C4orf36: variants seen among roughly 807,000 people sequenced by gnomAD.
C4orf36 encodes chromosome 4 open reading frame 36.
In C4orf36, 11 loss-of-function variants were observed where a neutral mutation model predicts 12.2. That is an observed-to-expected ratio of 0.90 (90% CI 0.57 to 1.49). The LOEUF is 1.49. Ranked by LOEUF, C4orf36 falls within the 40% of genes most tolerant of loss-of-function variation. C4orf36 has a pLI of 0.00. For missense variants in C4orf36, 137 were observed against 133.9 expected, an observed-to-expected ratio of 1.02 and a Z score of -0.11; for synonymous variants, 54 against 51.3, an observed-to-expected ratio of 1.05 and a Z score of -0.22.
chr4:86,884,535 G>A (rs1747125895), intron 4 of C4orf36, among the ~76,000 whole-genome samples: 1 of 151,812 alleles, frequency 6.6e-6, no homozygotes, highest in African/African-American at 2.4e-5. Context: ...AAACTCCTGG[G>A]CCCAAGCGAG....
chr4:86,902,439 A>AAG, the C4orf36 span, among the ~76,000 whole-genome samples: 1 of 140,972 alleles, frequency 7.1e-6, no homozygotes, highest in African/African-American at 2.7e-5. Context: ...AAAAAAAAAA[A>AAG]AAAGAAAGAA....
At chr4:86,930,100 T>G in the C4orf36 span, among the ~76,000 whole-genome samples, 2 of 152,332 alleles carry the variant, frequency 1.3e-5, no homozygotes, top group South Asian at 4.1e-4. Flanking sequence ...TGCTCTTACC[T>G]CCAATCCTGC....
At chr4:86,877,131 A>G (rs1746944683) in intron 4 of C4orf36, among the ~76,000 whole-genome samples, 1 of 152,240 alleles carries the variant, frequency 6.6e-6, no homozygotes, top group African/African-American at 2.4e-5. Flanking sequence ...AGTCCAAAAC[A>G]TATGTTGATA....
intron 2 of C4orf36, among the ~76,000 whole-genome samples, chr4:86,888,995 TA>T (rs1394869723): frequency 6.6e-6 from 1 of 152,162 alleles, no homozygotes; most frequent in Admixed American, 6.5e-5. Context: ...GAACAAGTCA[TA>T]AAAATGTATA....
At chr4:86,893,728 C>G (rs1477189869), upstream of C4orf36, among the ~76,000 whole-genome samples, 1 of 152,082 alleles carries the variant, frequency 6.6e-6, no homozygotes, top group African/African-American at 2.4e-5. Flanking sequence ...GACTGTCACT[C>G]GCTCTTCAGC....
At chr4:86,925,360 T>A in the C4orf36 span, 2 of 152,100 alleles carry the variant, frequency 1.3e-5, no homozygotes, top group East Asian at 3.9e-4. Flanking sequence ...TAGCTAGGAT[T>A]ATGGGCATGC....
the C4orf36 span, among the ~76,000 whole-genome samples, chr4:86,932,931 T>G: frequency 1.3e-5 from 2 of 152,296 alleles, no homozygotes; most frequent in African/African-American, 4.8e-5. Context: ...AGAATTCTTG[T>G]AAGGAAGATG....
chr4:86,907,724 C>T, the C4orf36 span, among the ~76,000 whole-genome samples: 4 of 152,042 alleles, frequency 2.6e-5, no homozygotes, highest in African/African-American at 9.7e-5. Flanking sequence ...CACCTGTAAT[C>T]CTAGCACTTT....
At chr4:86,898,816 T>C in the C4orf36 span, among the ~76,000 whole-genome samples, 2 of 151,996 alleles carry the variant, frequency 1.3e-5, no homozygotes, top group East Asian at 3.9e-4. Context: ...CAAGTCCCTG[T>C]CTCTAAAAGT....
rs1560471171 is a variant in C4orf36, at chr4:86,884,298, A to ACTTTTTTTTTTTTTTTT, written c.*2+3459_*2+3460insAAAAAAAAAAAAAAAAG. Among the ~76,000 whole-genome samples, 2 of 125,250 alleles carry ACTTTTTTTTTTTTTTTT rather than the reference A, an allele frequency of 1.6e-5. 1 individual carries two copies. The allele number at this position is 125,250 out of a possible 152,430, so 82.2% of individuals were successfully genotyped here. A position where few individuals can be genotyped will look rare whatever the true frequency, so the allele number is the denominator to read the frequency against. ...AAATTAGGCAGAAGGAAAAAGACTG[A>ACTTTTTTTTTTTTTTTT]ATTTTTTTTTTTTTTTTTTTTTTTG... is the stretch of plus-strand genomic sequence containing the variant. On this transcript the variant is annotated intron_variant, in intron 4 of 4. Transcript: ENST00000295898.
chr4:86,902,817 T>C, the C4orf36 span, among the ~76,000 whole-genome samples: 1 of 152,210 alleles, frequency 6.6e-6, no homozygotes, highest in African/African-American at 2.4e-5. Context: ...TTATGTTTAT[T>C]GTTTTGATCA....
chr4:86,907,583 G>T, the C4orf36 span, among the ~76,000 whole-genome samples: 9 of 152,190 alleles, frequency 5.9e-5, 1 homozygote, highest in African/African-American at 2.2e-4. Context: ...AGCTACTTTG[G>T]GGGTATTTTC....
chr4:86,930,950 C>T, the C4orf36 span, among the ~76,000 whole-genome samples: 6 of 152,182 alleles, frequency 3.9e-5, no homozygotes, highest in African/African-American at 1.2e-4. Context: ...AAGAATTTCT[C>T]TATCTGCCCA....
At position 86,887,926 on chromosome 4, in the gene C4orf36, T is replaced by C. The variant is rs530532817; in HGVS notation, c.221-33A>G. 94 of 1,612,568 alleles carry C rather than the reference T, an allele frequency of 5.8e-5. 1 individual carries two copies. The South Asian group carries it at 9.8e-4, about 17-fold the overall frequency. On this transcript the variant is annotated intron_variant, in intron 3 of 4. Coordinates refer to ENST00000295898, the MANE Select transcript of C4orf36 (RefSeq NM_144645.4). ...AGAAAATACACAAAACAATCTGACA[T>C]ACATTTTTCATCAGGCATAACTAAG... is the stretch of plus-strand genomic sequence containing the variant.
intron 4 of C4orf36, chr4:86,887,100 C>A (rs372815329): frequency 7.3e-6 from 1 of 136,338 alleles, no homozygotes; most frequent in Non-Finnish European, 1.6e-5. Context: ...ACATCACACA[C>A]GGGGGCCTGT....
intron 4 of C4orf36, among the ~76,000 whole-genome samples, chr4:86,877,266 C>T (rs1310114653): frequency 2.0e-5 from 3 of 152,190 alleles, no homozygotes; most frequent in Non-Finnish European, 4.4e-5. Flanking sequence ...TCTTTTTCCA[C>T]ATTTTAACCA....
At chr4:86,896,937 T>C (rs28533631), upstream of C4orf36, among the ~76,000 whole-genome samples, 23,346 of 152,166 alleles carry the variant, frequency 0.15, 2,155 homozygotes, top group Middle Eastern at 0.2. Context: ...ATTTTTAAAG[T>C]ATATTGCTGG....
At chr4:86,930,583 G>A in the C4orf36 span, among the ~76,000 whole-genome samples, 20 of 152,164 alleles carry the variant, frequency 1.3e-4, no homozygotes, top group African/African-American at 4.6e-4. Context: ...CATTTGTTTT[G>A]GGGGATGAAA....
At chr4:86,934,619 T>C in the C4orf36 span, 1 of 152,204 alleles carries the variant, frequency 6.6e-6, no homozygotes, top group Non-Finnish European at 1.5e-5. Flanking sequence ...AGATGTTAGT[T>C]ATTATCTCCT....
Sources: allele counts gnomAD v4.1 joint callset (sites outside exome capture counted in the v4.1 genomes callset), GRCh38; gene constraint gnomAD v4.1.1; transcripts MANE v1.5; gene names NCBI Gene and HGNC (gene_info 2026-07-23, HGNC 2026-07-21).